Variants in COX10 observed in about 807,000 individuals in gnomAD.
The protein encoded by COX10 is protoheme IX farnesyltransferase, mitochondrial.
A neutral mutation model predicts 37.3 loss-of-function variants in COX10; 27 were observed. The ratio of observed to expected loss-of-function variants is 0.72; its 90% CI spans 0.53 to 1.00. The LOEUF is 1.00. COX10 is among the 50% of genes least tolerant of loss of function. The pLI is 0.00. For synonymous variants in COX10, 222 were observed against 229.1 expected (o/e 0.97, Z 0.28); for missense variants, 475 against 563.2 (o/e 0.84, Z 1.59).
intron 6 of COX10, among the ~76,000 whole-genome samples, chr17:14,203,303 C>T (rs995350926): frequency 6.6e-6 from 1 of 152,038 alleles, no homozygotes; most frequent in Admixed American, 6.5e-5. Context: ...AGTAACCCTA[C>T]TGAAATAGGG....
intron 3 of COX10, among the ~76,000 whole-genome samples, chr17:14,092,962 A>G (rs1915560893): frequency 6.6e-6 from 1 of 152,192 alleles, no homozygotes; most frequent in Non-Finnish European, 1.5e-5. Context: ...GCTTGGGCAC[A>G]CACATAAACA....
chr17:14,198,743 C>G (rs906703852), intron 6 of COX10, among the ~76,000 whole-genome samples: 1 of 152,156 alleles, frequency 6.6e-6, no homozygotes, highest in Non-Finnish European at 1.5e-5. Flanking sequence ...AAAGTAGAGT[C>G]GGAGTGAATT....
intron 1 of COX10, among the ~76,000 whole-genome samples, chr17:14,070,011 A>G (rs1216051685): frequency 3.9e-5 from 6 of 152,188 alleles, no homozygotes; most frequent in Non-Finnish European, 8.8e-5. Flanking sequence ...ACTGGCTTGC[A>G]ATGACAAGGA....
At chr17:14,122,101 G>A (rs946686011) in intron 4 of COX10, among the ~76,000 whole-genome samples, 3 of 152,160 alleles carry the variant, frequency 2.0e-5, no homozygotes, top group African/African-American at 7.2e-5. Context: ...CTAGAGGCAT[G>A]TCGACCAGTT....
At chr17:14,158,434 T>A (rs924484931) in intron 4 of COX10, among the ~76,000 whole-genome samples, 1 of 151,046 alleles carries the variant, frequency 6.6e-6, no homozygotes, top group Non-Finnish European at 1.5e-5. Flanking sequence ...TCATACTAGA[T>A]GACTTGTAAA....
At chr17:14,156,906 G>C (rs1041438914) in intron 4 of COX10, among the ~76,000 whole-genome samples, 3 of 152,120 alleles carry the variant, frequency 2.0e-5, no homozygotes, top group African/African-American at 7.2e-5. Flanking sequence ...TTAGGGGTTG[G>C]CAAACATTTT....
At chr17:14,192,898 T>C (rs1339166807) in intron 6 of COX10, among the ~76,000 whole-genome samples, 2 of 151,832 alleles carry the variant, frequency 1.3e-5, no homozygotes, top group African/African-American at 4.8e-5. Context: ...GCAATATATG[T>C]AAGTACATAT....
At chr17:14,194,567 C>G (rs1208468326) in intron 6 of COX10, among the ~76,000 whole-genome samples, 1 of 152,160 alleles carries the variant, frequency 6.6e-6, no homozygotes, top group Non-Finnish European at 1.5e-5. Flanking sequence ...GCTGGGACTA[C>G]AGGCGCCCGC....
At chr17:14,165,459 C>T (rs1905261514) in intron 5 of COX10, among the ~76,000 whole-genome samples, 1 of 152,140 alleles carries the variant, frequency 6.6e-6, no homozygotes, top group Admixed American at 6.5e-5. Context: ...ATAAGCCGTG[C>T]CCATAAAAGA....
rs191249785 is a variant in COX10 at position 14,199,169 on chromosome 17, G to C, written c.928+6948G>C. The stretch of plus-strand genomic sequence containing the variant: ...GAGGCAAACTGGTACTAAGGGCACT[G>C]AGGTCTTGTCAGTTGTGCTGTGTTG... On this transcript the variant is annotated intron_variant, in intron 6 of 6. Transcript: ENST00000261643. Among the ~76,000 whole-genome samples, 534 of 152,224 alleles carry C rather than the reference G, an allele frequency of 3.5e-3. 3 individuals carry two copies. Among genetic ancestry groups the C allele is most frequent in the Non-Finnish European group, 6.2e-3 (423 of 68,016 alleles).
intron 4 of COX10, among the ~76,000 whole-genome samples, chr17:14,158,519 A>C (rs997221556): frequency 6.6e-6 from 1 of 151,884 alleles, no homozygotes; most frequent in Non-Finnish European, 1.5e-5. Flanking sequence ...TTTATAGAAC[A>C]CATATTGAGT....
At chr17:14,117,007 A>G (rs1397400521) in intron 4 of COX10, among the ~76,000 whole-genome samples, 2 of 152,182 alleles carry the variant, frequency 1.3e-5, no homozygotes, top group African/African-American at 4.8e-5. Flanking sequence ...TTTATCTTAA[A>G]TTTTGAGAAA....
intron 4 of COX10, among the ~76,000 whole-genome samples, chr17:14,139,347 A>G (rs1447502615): frequency 6.6e-6 from 1 of 152,290 alleles, no homozygotes; most frequent in Middle Eastern, 3.4e-3. Flanking sequence ...ATTAACGCTC[A>G]TAATATTAGC....
chr17:14,158,845 T>C (rs1004603237), intron 4 of COX10, among the ~76,000 whole-genome samples: 3 of 152,198 alleles, frequency 2.0e-5, no homozygotes, highest in Admixed American at 2.0e-4. Flanking sequence ...ATTGAATTAT[T>C]GTTTCGTCTG....
intron 2 of COX10, among the ~76,000 whole-genome samples, chr17:14,075,686 C>T (rs1249472778): frequency 6.6e-6 from 1 of 152,088 alleles, no homozygotes; most frequent in Non-Finnish European, 1.5e-5. Context: ...CTTCATCCTG[C>T]CCTGCTATAA....
chr17:14,184,218 G>T (rs1026463791), intron 5 of COX10, among the ~76,000 whole-genome samples: 2 of 152,016 alleles, frequency 1.3e-5, no homozygotes, highest in Non-Finnish European at 2.9e-5. Context: ...TTTCAGTCTT[G>T]CCATTGAAAG....
rs1906766887 is a variant in COX10 at position 14,208,177 on chromosome 17, C to A, written c.*964C>A. The A allele has an allele frequency of 2.0e-5, 3 of 152,234 alleles. No individual in the cohort carries two copies. In the South Asian group the frequency reaches 6.2e-4, roughly 31 times the overall value. The allele number at this position is 152,234 out of a possible 1,614,324, so 9.4% of individuals were successfully genotyped here. A position where few individuals can be genotyped will look rare whatever the true frequency, so the allele number is the denominator to read the frequency against. On this transcript the variant is annotated 3_prime_UTR_variant, in exon 7 of 7. Transcript: ENST00000261643. Reference sequence around the variant, plus strand: ...GAAAAATACATGTCCATCCTGATATCTCCTGAATTCAGAAATTAGCCTCCA... The same window carrying A: ...GAAAAATACATGTCCATCCTGATATATCCTGAATTCAGAAATTAGCCTCCA...
chr17:14,190,862 G>A (rs1375050747), intron 5 of COX10, among the ~76,000 whole-genome samples: 4 of 152,040 alleles, frequency 2.6e-5, no homozygotes, highest in Non-Finnish European at 5.9e-5. Context: ...GTGCATAGAA[G>A]GGTATCATCT....
chr17:14,175,201 CTTT>C (rs72182244), intron 5 of COX10, among the ~76,000 whole-genome samples: 100 of 140,696 alleles, frequency 7.1e-4, no homozygotes, highest in African/African-American at 1.9e-3. Context: ...CTATGTTTAC[CTTT>C]TTTTTTTTTT....
Sources: allele counts gnomAD v4.1 joint callset (sites outside exome capture counted in the v4.1 genomes callset), GRCh38; gene constraint gnomAD v4.1.1; transcripts MANE v1.5; gene names NCBI Gene and HGNC (gene_info 2026-07-23, HGNC 2026-07-21).